The following RBFOX1 variants were observed in gnomAD, a reference collection of about 807,000 sequenced individuals.
RBFOX1 encodes RNA binding fox-1 homolog 1.
Under a neutral mutation model 57.7 loss-of-function variants are expected in RBFOX1, and 8 were observed. That is an observed-to-expected ratio of 0.14 (90% CI 0.08 to 0.25). The LOEUF is 0.25. RBFOX1 is among the 10% of genes least tolerant of loss of function. The pLI is 1.00. For missense variants in RBFOX1, 611 were observed against 548.5 expected (o/e 1.11, Z -1.14); for synonymous variants, 326 against 222.4 (o/e 1.47, Z -4.15).
chr16:7,702,466 ATT>A (rs2081065467), intron 14 of RBFOX1, among the ~76,000 whole-genome samples: 1 of 152,156 alleles, frequency 6.6e-6, no homozygotes, highest in South Asian at 2.1e-4. Context: ...GTTTTGCTGC[ATT>A]TTCATTTAGT....
intron 2 of RBFOX1, among the ~76,000 whole-genome samples, chr16:6,554,932 A>G (rs2097069690): frequency 6.6e-6 from 1 of 152,186 alleles, no homozygotes; most frequent in South Asian, 2.1e-4. Flanking sequence ...CAGCTGGAGA[A>G]TTTGACCTAG....
intron 4 of RBFOX1, among the ~76,000 whole-genome samples, chr16:7,230,158 C>A (rs921546459): frequency 6.6e-6 from 1 of 150,716 alleles, no homozygotes; most frequent in Non-Finnish European, 1.5e-5. Flanking sequence ...TTTTTTTCTG[C>A]GTTCGTTTAC....
chr16:6,225,005 G>A (rs2097405342), intron 1 of RBFOX1, among the ~76,000 whole-genome samples: 3 of 98,736 alleles, frequency 3.0e-5, no homozygotes, highest in South Asian at 7.5e-4. Flanking sequence ...GGCAACAAGA[G>A]CAAAACTCCA....
chr16:5,746,969 A>G (rs2053008941), intron 3 of RBFOX1, among the ~76,000 whole-genome samples: 2 of 152,174 alleles, frequency 1.3e-5, no homozygotes, highest in South Asian at 4.1e-4. Context: ...AGAACTTCCA[A>G]CACTATGTTG....
At chr16:6,888,671 C>T (rs907531238) in intron 3 of RBFOX1, among the ~76,000 whole-genome samples, 9 of 152,260 alleles carry the variant, frequency 5.9e-5, no homozygotes, top group African/African-American at 1.9e-4. Flanking sequence ...ACCCAGATGT[C>T]TCCTGTATTC....
chr16:6,003,768 A>G (rs1473437429), intron 4 of RBFOX1, among the ~76,000 whole-genome samples: 1 of 152,128 alleles, frequency 6.6e-6, no homozygotes, highest in Non-Finnish European at 1.5e-5. Context: ...CAGGGTCTCA[A>G]TCTCAAATGC....
chr16:7,474,915 T>A (rs1256480366), intron 4 of RBFOX1, among the ~76,000 whole-genome samples: 2 of 152,174 alleles, frequency 1.3e-5, no homozygotes, highest in Non-Finnish European at 2.9e-5. Context: ...TATTTTCCAA[T>A]ATTTATGGAG....
At chr16:7,329,630 A>C (rs903332565) in intron 4 of RBFOX1, among the ~76,000 whole-genome samples, 1 of 152,258 alleles carries the variant, frequency 6.6e-6, no homozygotes, top group Non-Finnish European at 1.5e-5. Context: ...CTTCAAAAAC[A>C]TAAGTACCGC....
chr16:6,156,470 A>T (rs561326319), intron 1 of RBFOX1, among the ~76,000 whole-genome samples: 2 of 152,204 alleles, frequency 1.3e-5, no homozygotes, highest in Admixed American at 1.3e-4. Context: ...AAGAGCTCAG[A>T]TGGGGCATGC....
chr16:7,161,875 C>T (rs1008758079), intron 4 of RBFOX1, among the ~76,000 whole-genome samples: 2 of 152,176 alleles, frequency 1.3e-5, no homozygotes, highest in African/African-American at 4.8e-5. Flanking sequence ...ATTTGCAGTG[C>T]CCAGAATGAG....
At chr16:7,356,295 T>C (rs1382992979) in intron 4 of RBFOX1, among the ~76,000 whole-genome samples, 1 of 152,114 alleles carries the variant, frequency 6.6e-6, no homozygotes, top group Non-Finnish European at 1.5e-5. Flanking sequence ...ATCATCGTTA[T>C]AGATCTAAGC....
chr16:6,510,652 C>G (rs959184170), intron 2 of RBFOX1, among the ~76,000 whole-genome samples: 1 of 152,234 alleles, frequency 6.6e-6, no homozygotes, highest in Non-Finnish European at 1.5e-5. Flanking sequence ...TAGTCTGTAT[C>G]CCTCCCACAA....
At chr16:6,160,807 C>G (rs1030361555) in intron 1 of RBFOX1, among the ~76,000 whole-genome samples, 2 of 152,182 alleles carry the variant, frequency 1.3e-5, no homozygotes, top group African/African-American at 2.4e-5. Flanking sequence ...GCTGATCTCT[C>G]TTGATCCTCT....
chr16:6,424,605 C>CTGTGTGTGTGCGTGCG (rs2093870177), intron 2 of RBFOX1, among the ~76,000 whole-genome samples: 4 of 14,270 alleles, frequency 2.8e-4, no homozygotes, highest in African/African-American at 8.5e-4. Context: ...CTTAAGAGCA[C>CTGTGTGTGTGCGTGCG]TGTGTGTGTG....
At chr16:5,321,814 C>T (rs570221343) in intron 1 of RBFOX1, among the ~76,000 whole-genome samples, 31 of 152,206 alleles carry the variant, frequency 2.0e-4, no homozygotes, top group African/African-American at 5.5e-4. Context: ...ACTCTCATGA[C>T]GACCAGAGTC....
intron 3 of RBFOX1, among the ~76,000 whole-genome samples, chr16:6,847,903 T>C (rs537295578): frequency 2.8e-4 from 42 of 152,120 alleles, no homozygotes; most frequent in African/African-American, 9.2e-4. Context: ...ACTGGCACAA[T>C]CTTGGCTCAC....
intron 2 of RBFOX1, among the ~76,000 whole-genome samples, chr16:6,318,994 A>C (rs1459077947): frequency 1.3e-5 from 2 of 151,974 alleles, no homozygotes; most frequent in Non-Finnish European, 2.9e-5. Context: ...TGGAACAAAC[A>C]TTGAATTCTG....
intron 2 of RBFOX1, among the ~76,000 whole-genome samples, chr16:5,572,156 G>C (rs372835755): frequency 1.3e-5 from 2 of 152,174 alleles, no homozygotes; most frequent in Admixed American, 1.3e-4. Flanking sequence ...TAGGTGGTCC[G>C]TGGAGCCATA....
rs111647312 is a variant in RBFOX1 at position 6,939,181 on chromosome 16, A to C, written c.-15-112876A>C. ...ATAGCTGGAATTAGAACTCAGGCCA[A>C]TGAAGAGAAAAATAATTTATTAGGT... On this transcript the variant is annotated intron_variant, in intron 3 of 15. Coordinates refer to ENST00000550418, the MANE Select transcript of RBFOX1 (RefSeq NM_018723.4). Among the ~76,000 whole-genome samples, 934 of 152,324 alleles carry C rather than the reference A, an allele frequency of 6.1e-3. 14 individuals carry two copies. The highest frequency in any genetic ancestry group is 0.021 in the African/African-American group (881 of 41,568).
Sources: gnomAD v4.1 joint callset for allele counts (sites outside exome capture counted in the v4.1 genomes callset) on GRCh38, gnomAD v4.1.1 for gene constraint, MANE v1.5 for transcripts, NCBI Gene and HGNC (gene_info 2026-07-23, HGNC 2026-07-21) for gene names.